SWT1: variants seen among roughly 807,000 people sequenced by gnomAD.
SWT1 encodes transcriptional protein SWT1.
In SWT1, 33 loss-of-function variants were observed where a neutral mutation model predicts 107.3. The ratio of observed to expected loss-of-function variants is 0.31; its 90% CI spans 0.23 to 0.41. SWT1 has a LOEUF of 0.41. SWT1 is among the 10% of genes least tolerant of loss of function. The probability of loss-of-function intolerance (pLI) is 1.00; values close to 1 mark genes in which losing one functional copy is unlikely to be tolerated. For missense variants in SWT1, 898 were observed against 1,028.9 expected (o/e 0.87, Z 1.74); for synonymous variants, 345 against 348.3 (o/e 0.99, Z 0.11).
At chr1:185,255,042 G>C (rs1462250264) in intron 16 of SWT1, among the ~76,000 whole-genome samples, 2 of 152,012 alleles carry the variant, frequency 1.3e-5, no homozygotes. Context: ...TATGTACCCA[G>C]TAGTCATTCA....
At chr1:185,214,117 G>T (rs1184928730) in intron 13 of SWT1, among the ~76,000 whole-genome samples, 1 of 152,134 alleles carries the variant, frequency 6.6e-6, no homozygotes, top group Non-Finnish European at 1.5e-5. Flanking sequence ...ATGCTTACCA[G>T]TGTAGTCTCA....
intron 15 of SWT1, chr1:185,226,703 C>G: frequency 2.2e-6 from 1 of 446,092 alleles, no homozygotes; most frequent in Non-Finnish European, 3.8e-6. Flanking sequence ...CAAAAGCTTC[C>G]CTGCTATTTC....
chr1:185,278,725 C>T (rs1195443736), intron 18 of SWT1, among the ~76,000 whole-genome samples: 1 of 152,186 alleles, frequency 6.6e-6, no homozygotes, highest in Non-Finnish European at 1.5e-5. Flanking sequence ...GCAATAAAAA[C>T]CACAAGGTTT....
At chr1:185,178,117 G>T (rs1655719065) in intron 5 of SWT1, among the ~76,000 whole-genome samples, 1 of 152,162 alleles carries the variant, frequency 6.6e-6, no homozygotes, top group Admixed American at 6.6e-5. Context: ...GTTAAAGAAG[G>T]GCTCACTAAA....
intron 5 of SWT1, among the ~76,000 whole-genome samples, chr1:185,177,690 G>T (rs377187737): frequency 2.0e-5 from 3 of 152,086 alleles, no homozygotes; most frequent in African/African-American, 7.2e-5. Flanking sequence ...GAAAATAATT[G>T]TATTTTCTTT....
At chr1:185,172,592 TG>T (rs1406385200) in intron 4 of SWT1, among the ~76,000 whole-genome samples, 1 of 152,194 alleles carries the variant, frequency 6.6e-6, no homozygotes, top group African/African-American at 2.4e-5. Flanking sequence ...GAATTTCAGA[TG>T]TAAAAAAATG....
chr1:185,197,123 T>C (rs1366192708), intron 10 of SWT1, among the ~76,000 whole-genome samples: 1 of 152,208 alleles, frequency 6.6e-6, no homozygotes, highest in Non-Finnish European at 1.5e-5. Flanking sequence ...TTGAGATACA[T>C]TCCATCTCAA....
intron 3 of SWT1, 124 bp downstream of exon 3, chr1:185,166,776 T>G: frequency 1.6e-6 from 1 of 631,962 alleles, no homozygotes; most frequent in Non-Finnish European, 2.8e-6. Flanking sequence ...GTTTTCTTTC[T>G]TCTACTCACC....
At chr1:185,236,051 CACAA>C (rs1660849298) in intron 16 of SWT1, among the ~76,000 whole-genome samples, 1 of 152,102 alleles carries the variant, frequency 6.6e-6, no homozygotes, top group Non-Finnish European at 1.5e-5. Flanking sequence ...TAAGAGAAGA[CACAA>C]ACAAATAGAA....
intron 5 of SWT1, among the ~76,000 whole-genome samples, chr1:185,175,487 C>G (rs535593380): frequency 6.6e-6 from 1 of 152,188 alleles, no homozygotes; most frequent in Non-Finnish European, 1.5e-5. Context: ...CTCAGCCTCC[C>G]AAAGTGCAGG....
chr1:185,180,564 C>G, intron 6 of SWT1, 114 bp downstream of exon 6: 2 of 758,294 alleles, frequency 2.6e-6, no homozygotes, highest in Non-Finnish European at 4.4e-6. Context: ...ACAATGATGT[C>G]TCTATTTAAA....
intron 4 of SWT1, among the ~76,000 whole-genome samples, chr1:185,173,837 C>G (rs973791191): frequency 6.6e-6 from 1 of 152,050 alleles, no homozygotes; most frequent in Non-Finnish European, 1.5e-5. Flanking sequence ...GGCAACATAG[C>G]AAAACCTTGT....
chr1:185,163,393 CTTTT>C (rs575075692), intron 2 of SWT1, among the ~76,000 whole-genome samples: 1 of 134,932 alleles, frequency 7.4e-6, no homozygotes, highest in African/African-American at 2.7e-5. Flanking sequence ...TCCATGAAAG[CTTTT>C]TTTTTTTTTT....
intron 15 of SWT1, among the ~76,000 whole-genome samples, chr1:185,225,908 T>C (rs186599760): frequency 9.2e-5 from 14 of 152,362 alleles, no homozygotes; most frequent in African/African-American, 3.1e-4. Context: ...ACATAAACTA[T>C]CTACTGGCTT....
intron 9 of SWT1, among the ~76,000 whole-genome samples, chr1:185,190,329 A>G (rs373648489): frequency 6.6e-6 from 1 of 152,198 alleles, no homozygotes; most frequent in African/African-American, 2.4e-5. Flanking sequence ...TGACATCATT[A>G]TCACTCTGAG....
intron 16 of SWT1, among the ~76,000 whole-genome samples, chr1:185,233,863 C>A (rs1383445196): frequency 6.6e-6 from 1 of 152,120 alleles, no homozygotes; most frequent in African/African-American, 2.4e-5. Flanking sequence ...CCTGCCTCAG[C>A]CTCCCAAGTA....
chr1:185,207,462 C>T (rs1415858311), intron 13 of SWT1, among the ~76,000 whole-genome samples: 3 of 151,988 alleles, frequency 2.0e-5, no homozygotes, highest in Admixed American at 2.0e-4. Flanking sequence ...CTATATAGGA[C>T]TTGGAAAAAA....
chr1:185,166,550 A>G (rs1183063484), intron 2 of SWT1, 22 bp from the exon 3 acceptor site: 4 of 1,506,364 alleles, frequency 2.7e-6, no homozygotes, highest in African/African-American at 2.8e-5. Context: ...TTTAAAATTC[A>G]TTTTCTTTAT....
intron 4 of SWT1, 77 bp downstream of exon 4, chr1:185,168,475 T>G (rs953283573): frequency 2.8e-5 from 26 of 924,532 alleles, no homozygotes; most frequent in Non-Finnish European, 3.9e-5. Flanking sequence ...AAATTTTTTT[T>G]ATTTACTTTG....
Sources: allele counts gnomAD v4.1 joint callset (sites outside exome capture counted in the v4.1 genomes callset), GRCh38; gene constraint gnomAD v4.1.1; transcripts MANE v1.5; gene names NCBI Gene and HGNC (gene_info 2026-07-23, HGNC 2026-07-21).